NCOA3: variants seen among roughly 807,000 people sequenced by gnomAD.
The protein encoded by NCOA3 is CBP-interacting protein.
In NCOA3, 51 loss-of-function variants were observed where a neutral mutation model predicts 158.8. That is an observed-to-expected ratio of 0.32 (90% CI 0.26 to 0.41). The LOEUF (loss-of-function observed/expected upper bound fraction) is 0.41, where lower values mean the gene tolerates loss of function less well. Among genes scored for constraint, NCOA3 ranks in the 10% least tolerant of loss-of-function variants. The pLI, the probability that NCOA3 is intolerant of heterozygous loss-of-function variation, is 1.00. For missense variants in NCOA3, 1,510 were observed against 1,746.6 expected (o/e 0.86, Z 2.41); for synonymous variants, 537 against 592.4 (o/e 0.91, Z 1.36).
intron 5 of NCOA3, 27 bp downstream of exon 5, chr20:47,625,508 G>C (rs1240440280): frequency 6.9e-7 from 1 of 1,459,786 alleles, no homozygotes; most frequent in African/African-American, 1.4e-5. Context: ...TAACTGTCCA[G>C]TAGGCTGTAT....
At chr20:47,558,201 G>A (rs1412220596) in intron 1 of NCOA3, among the ~76,000 whole-genome samples, 4 of 145,576 alleles carry the variant, frequency 2.7e-5, no homozygotes, top group African/African-American at 1.0e-4. Context: ...TAGGATTATA[G>A]GCATGCACCT....
chr20:47,525,810 G>T (rs2084430731), intron 1 of NCOA3, among the ~76,000 whole-genome samples: 1 of 118,724 alleles, frequency 8.4e-6, no homozygotes, highest in African/African-American at 3.5e-5. Context: ...CCGGGCAGAG[G>T]GGCTCCTCAC....
intron 2 of NCOA3, among the ~76,000 whole-genome samples, chr20:47,603,496 T>G (rs2085897356): frequency 6.6e-6 from 1 of 152,262 alleles, no homozygotes; most frequent in African/African-American, 2.4e-5. Context: ...CTTTTTGCTT[T>G]GCCGACCATG....
In NCOA3 at chr20:47,636,518, G is replaced by A; in HGVS notation, c.2132G>A (p.Ser711Asn). Residue 711 changes from serine (S) to asparagine (N), a missense_variant, in exon 12 of 23, where the codon AGC (serine) becomes AAC (asparagine). Coordinates refer to ENST00000371998, the MANE Select transcript of NCOA3 (RefSeq NM_181659.3). ...GCAGAAGCCACTGGGAAAGACACCA[G>A]CAGTATAACTTCTTGTGGGGACGGA... Reference protein sequence around the residue: ...ITAEATGKDTSSITSCGDGNV... With the variant: ...ITAEATGKDTNSITSCGDGNV... 6.2e-7 allele frequency: 1 copy of A among 1,614,228 alleles called. No individual in the cohort carries two copies. Among genetic ancestry groups the A allele is most frequent in the Non-Finnish European group, 8.5e-7 (1 of 1,180,050 alleles).
At chr20:47,560,532 C>T (rs1198097776) in intron 1 of NCOA3, among the ~76,000 whole-genome samples, 1 of 152,148 alleles carries the variant, frequency 6.6e-6, no homozygotes, top group Non-Finnish European at 1.5e-5. Flanking sequence ...ATTAGAGTTC[C>T]TGTTACTCTG....
At chr20:47,525,280 CAGA>C (rs1344905319) in intron 1 of NCOA3, among the ~76,000 whole-genome samples, 4 of 151,384 alleles carry the variant, frequency 2.6e-5, no homozygotes, top group Non-Finnish European at 4.4e-5. Flanking sequence ...GATCCCAAGG[CAGA>C]AGAATTTTTC....
chr20:47,534,022 A>G (rs535831405), intron 1 of NCOA3, among the ~76,000 whole-genome samples: 1 of 146,086 alleles, frequency 6.8e-6, no homozygotes, highest in Non-Finnish European at 1.5e-5. Context: ...GACTATGATT[A>G]TGGCAAGAGA....
At chr20:47,526,708 G>A (rs1370916111) in intron 1 of NCOA3, among the ~76,000 whole-genome samples, 1 of 152,222 alleles carries the variant, frequency 6.6e-6, no homozygotes, top group African/African-American at 2.4e-5. Flanking sequence ...CGAGATGGCA[G>A]CAGTACCGTC....
At chr20:47,613,989 T>C (rs2086089895) in intron 2 of NCOA3, among the ~76,000 whole-genome samples, 1 of 152,114 alleles carries the variant, frequency 6.6e-6, no homozygotes, top group African/African-American at 2.4e-5. Flanking sequence ...CTTACCAGCA[T>C]TGAAAGAAAC....
rs755288082 is a variant in NCOA3, at chr20:47,622,227, A to G, written c.-19-2A>G. On this transcript the variant is annotated splice_acceptor_variant, in intron 2 of 22. Coordinates refer to ENST00000371998, the MANE Select transcript of NCOA3 (RefSeq NM_181659.3). LOFTEE classifies it low-confidence loss of function (5UTR_SPLICE). ...ATCTTATTTCTCATTATTCTCTCTTAGTTGCTGATGTATATTCAAGATGAG... is the reference window on the plus strand; with the variant it reads ...ATCTTATTTCTCATTATTCTCTCTTGGTTGCTGATGTATATTCAAGATGAG... 3 of 1,472,508 alleles carry G rather than the reference A, an allele frequency of 2.0e-6. No homozygotes were observed. Among genetic ancestry groups the G allele is most frequent in the Non-Finnish European group, 2.8e-6 (3 of 1,059,218 alleles). The allele number at this position is 1,472,508 out of a possible 1,614,324, so 91.2% of individuals were successfully genotyped here. A position where few individuals can be genotyped will look rare whatever the true frequency, so the allele number is the denominator to read the frequency against.
rs6012231 is a variant in NCOA3 at position 47,633,249 on chromosome 20, C to T, written c.824-247C>T. 6.9e-3 allele frequency among the ~76,000 whole-genome samples: 1,056 copies of T among 152,204 alleles called. 20 individuals are homozygous for T. Among genetic ancestry groups the T allele is most frequent in the African/African-American group, 0.024 (1,014 of 41,530 alleles). On this transcript the variant is annotated intron_variant, in intron 8 of 22. Coordinates refer to ENST00000371998, the MANE Select transcript of NCOA3 (RefSeq NM_181659.3). ...AAATTCTGAGGATTTTGGATAGGGG[C>T]TCTGTGCTAGAAATCTGACAAAGAC...
intron 13 of NCOA3, among the ~76,000 whole-genome samples, chr20:47,638,651 T>C (rs2086555702): frequency 6.6e-6 from 1 of 152,212 alleles, no homozygotes; most frequent in Non-Finnish European, 1.5e-5. Context: ...TATACTTAAG[T>C]ACAAATATGC....
chr20:47,579,903 AG>A (rs1223778154), intron 1 of NCOA3, among the ~76,000 whole-genome samples: 2 of 152,156 alleles, frequency 1.3e-5, no homozygotes, highest in Non-Finnish European at 2.9e-5. Flanking sequence ...GAGAGTAATG[AG>A]GTGTGATCTG....
chr20:47,518,997 G>A (rs560450943), intron 1 of NCOA3, among the ~76,000 whole-genome samples: 7 of 151,744 alleles, frequency 4.6e-5, no homozygotes, highest in Admixed American at 2.0e-4. Flanking sequence ...TTAGGTGGGC[G>A]TGGTGACGGG....
chr20:47,506,706 G>A (rs1244641657), intron 1 of NCOA3, among the ~76,000 whole-genome samples: 1 of 152,116 alleles, frequency 6.6e-6, no homozygotes, highest in Non-Finnish European at 1.5e-5. Context: ...TATTCCAAGA[G>A]CAAATGGACT....
In NCOA3 at chr20:47,653,448, C is replaced by A. The variant is rs1163223942; in HGVS notation, c.*31C>A. 1.9e-6 allele frequency: 3 copies of A among 1,606,210 alleles called. No homozygotes were observed. Among genetic ancestry groups the A allele is most frequent in the Non-Finnish European group, 2.5e-6 (3 of 1,176,628 alleles). ...CTGCACCAGGACCTCTTAAGGAAAC[C>A]ACTGTACAAATGACACTGCACTAGG... On this transcript the variant is annotated 3_prime_UTR_variant, in exon 23 of 23. Transcript: ENST00000371998.
intron 2 of NCOA3, among the ~76,000 whole-genome samples, chr20:47,603,895 A>G (rs1249704758): frequency 6.6e-6 from 1 of 152,150 alleles, no homozygotes; most frequent in Non-Finnish European, 1.5e-5. Context: ...TCAAAAGGCA[A>G]CTTTTAGGCA....
Position 47,639,685 on chromosome 20 carries a change from G to T in NCOA3, c.2816G>T (p.Gly939Val). 6.2e-7 allele frequency: 1 copy of T among 1,614,106 alleles called. No homozygotes were observed. The highest frequency in any genetic ancestry group is 2.2e-5 in the East Asian group (1 of 44,888). The change falls in exon 15 of 23, where the codon GGA becomes GTA. Residue 939 changes from glycine to valine, a missense_variant. By Grantham distance (109) the Gly-to-Val change is moderately radical. Transcript: ENST00000371998. ...GAACCTATGAATTCAAACTCCATGGGAAGACCAGGAGGAGATTATAATACT... is the reference window on the plus strand; with the variant it reads ...GAACCTATGAATTCAAACTCCATGGTAAGACCAGGAGGAGATTATAATACT... ...RMEPMNSNSM[G>V]RPGGDYNTSL... is the part of the protein sequence containing the mutation.
chr20:47,594,990 C>G (rs1404517558), intron 2 of NCOA3, among the ~76,000 whole-genome samples: 1 of 151,530 alleles, frequency 6.6e-6, no homozygotes, highest in Non-Finnish European at 1.5e-5. Context: ...TGGAATTTTG[C>G]CACGCTGGCC....
Sources: allele counts gnomAD v4.1 joint callset (sites outside exome capture counted in the v4.1 genomes callset), GRCh38; gene constraint gnomAD v4.1.1; transcripts MANE v1.5; gene names NCBI Gene and HGNC (gene_info 2026-07-23, HGNC 2026-07-21).